Variants in CNTN4 observed in about 807,000 individuals in gnomAD.
CNTN4 encodes the protein contactin 4.
Under a neutral mutation model 122.5 loss-of-function variants are expected in CNTN4, and 77 were observed. That is an observed-to-expected ratio of 0.63 (90% CI 0.52 to 0.76). The LOEUF (loss-of-function observed/expected upper bound fraction) is 0.76. CNTN4 is among the 30% of genes least tolerant of loss of function. The pLI is 0.00. For synonymous variants in CNTN4, 512 were observed against 447.0 expected, an observed-to-expected ratio of 1.15 and a Z score of -1.83; for missense variants, 1,256 against 1,259.1, an observed-to-expected ratio of 1.00 and a Z score of 0.04.
At position 2,938,932 on chromosome 3, in the gene CNTN4, A is replaced by T. The variant is rs891528504; in HGVS notation, c.1358+13153A>T. ...ATTAAGAGCAATTAGAACTGAAGTG[A>T]TGTGACTGGATATTAAAACCAGACA... On this transcript the variant is annotated intron_variant, in intron 13 of 24. Coordinates refer to ENST00000418658, the MANE Select transcript of CNTN4 (RefSeq NM_175607.3). Among the ~76,000 whole-genome samples, 8 of 152,332 alleles carry T rather than the reference A, an allele frequency of 5.3e-5. No homozygotes were observed. In the South Asian group the frequency reaches 6.2e-4, roughly 12 times the overall value.
intron 13 of CNTN4, among the ~76,000 whole-genome samples, chr3:2,981,044 C>T (rs1268416513): frequency 2.6e-5 from 4 of 152,196 alleles, no homozygotes; most frequent in African/African-American, 9.7e-5. Context: ...CAGCTGCCAG[C>T]ATTCACCCAT....
At chr3:2,311,497 C>T (rs111615087) in intron 2 of CNTN4, among the ~76,000 whole-genome samples, 3 of 152,180 alleles carry the variant, frequency 2.0e-5, no homozygotes, top group Admixed American at 6.6e-5. Context: ...TGATTCTTTG[C>T]CAATCTACTT....
intron 13 of CNTN4, among the ~76,000 whole-genome samples, chr3:2,939,993 T>C (rs1032900847): frequency 2.6e-5 from 4 of 152,204 alleles, no homozygotes; most frequent in African/African-American, 9.6e-5. Context: ...GTGGTAAACA[T>C]TGACAGCACA....
In CNTN4 at chr3:2,543,055, A is replaced by G. The variant is rs57510276; in HGVS notation, c.-88-28361A>G. Among the ~76,000 whole-genome samples, 3,906 of 152,258 alleles carry G rather than the reference A, an allele frequency of 0.026. 176 individuals are homozygous for G. Among genetic ancestry groups the G allele is most frequent in the African/African-American group, 0.09 (3,720 of 41,544 alleles). On this transcript the variant is annotated intron_variant, in intron 3 of 24. Transcript: ENST00000418658. ...GCCAGATTGTATACATGGACATGCC[A>G]TAGGATGGACCAAGATAAATCTTTA...
intron 6 of CNTN4, among the ~76,000 whole-genome samples, chr3:2,770,524 G>GGTATCATAAAAGC (rs1243196851): frequency 1.3e-5 from 2 of 152,172 alleles, no homozygotes; most frequent in Non-Finnish European, 2.9e-5. Context: ...CCAAAGAAAA[G>GGTATCATAAAAGC]GTATCATAAA....
intron 6 of CNTN4, among the ~76,000 whole-genome samples, chr3:2,818,023 G>C (rs2092777745): frequency 6.6e-6 from 1 of 152,170 alleles, no homozygotes; most frequent in African/African-American, 2.4e-5. Flanking sequence ...TGCAGAGTAT[G>C]TGTGTGTCCT....
chr3:2,592,470 C>T (rs576426662), intron 4 of CNTN4, among the ~76,000 whole-genome samples: 93 of 152,294 alleles, frequency 6.1e-4, no homozygotes, highest in Non-Finnish European at 8.4e-4. Flanking sequence ...TGTTGTGGGA[C>T]GTACCGGGTA....
At chr3:2,121,782 C>T (rs1480279890) in intron 2 of CNTN4, among the ~76,000 whole-genome samples, 1 of 152,114 alleles carries the variant, frequency 6.6e-6, no homozygotes, top group Non-Finnish European at 1.5e-5. Flanking sequence ...GAAGTAGGGT[C>T]TGATACCTTG....
At chr3:2,403,864 A>G (rs2046940722) in intron 3 of CNTN4, among the ~76,000 whole-genome samples, 1 of 152,192 alleles carries the variant, frequency 6.6e-6, no homozygotes. Flanking sequence ...TTTCAAACCT[A>G]GAATTCTTTC....
chr3:2,535,037 A>C (rs181497047), intron 3 of CNTN4, among the ~76,000 whole-genome samples: 222 of 152,232 alleles, frequency 1.5e-3, no homozygotes, highest in East Asian at 0.012. Context: ...TAATAGCAAG[A>C]ATTGACTCTG....
At position 2,917,510 on chromosome 3, in the gene CNTN4, TAACA is replaced by T. The variant is rs568872258; in HGVS notation, c.1208-8115_1208-8112del. Among the ~76,000 whole-genome samples the T allele has an allele frequency of 8.0e-3, 1,212 of 152,344 alleles. 9 individuals are homozygous for T. Among genetic ancestry groups the T allele is most frequent in the South Asian group, 0.021 (99 of 4,828 alleles). On this transcript the variant is annotated intron_variant, in intron 12 of 24. Coordinates refer to ENST00000418658, the MANE Select transcript of CNTN4 (RefSeq NM_175607.3). The stretch of plus-strand genomic sequence containing the variant: ...GGTAGGGCCTGGAATTCTGCATTTC[TAACA>T]AACTTCAAGGTGATGCCAGTGCTTC...
intron 3 of CNTN4, among the ~76,000 whole-genome samples, chr3:2,526,842 T>C (rs569789781): frequency 1.3e-5 from 2 of 152,276 alleles, no homozygotes; most frequent in African/African-American, 4.8e-5. Flanking sequence ...AATCATAGTC[T>C]TACAAGTTTA....
rs76428551 is a variant in CNTN4 at position 2,876,583 on chromosome 3, C to T, written c.653-6562C>T. Reference sequence around the variant, plus strand: ...AGGTGTTGGCAAAAATCTTATGGCACGCAACTCTGCAAACTGGTCTCCTTC... The same window carrying T: ...AGGTGTTGGCAAAAATCTTATGGCATGCAACTCTGCAAACTGGTCTCCTTC... On this transcript the variant is annotated intron_variant, in intron 8 of 24. Coordinates refer to ENST00000418658, the MANE Select transcript of CNTN4 (RefSeq NM_175607.3). Among the ~76,000 whole-genome samples the T allele has an allele frequency of 4.1e-4, 62 of 152,236 alleles. 1 individual carries two copies. In the East Asian group the frequency reaches 0.011, roughly 27 times the overall value.
At chr3:2,697,032 A>G (rs1287773019) in intron 4 of CNTN4, among the ~76,000 whole-genome samples, 1 of 152,248 alleles carries the variant, frequency 6.6e-6, no homozygotes, top group Non-Finnish European at 1.5e-5. Flanking sequence ...ATCACTTACC[A>G]AAGCTCACCC....
intron 3 of CNTN4, among the ~76,000 whole-genome samples, chr3:2,371,567 C>G: frequency 6.6e-6 from 1 of 152,168 alleles, no homozygotes; most frequent in East Asian, 1.9e-4. Context: ...GTGCTTTGTA[C>G]ATAGTAGGTT....
At chr3:2,578,228 A>G (rs967771926) in intron 4 of CNTN4, among the ~76,000 whole-genome samples, 1 of 152,228 alleles carries the variant, frequency 6.6e-6, no homozygotes, top group African/African-American at 2.4e-5. Flanking sequence ...AGGAAGTCTC[A>G]TCACTAAGAC....
chr3:2,420,967 T>C (rs1309803353), intron 3 of CNTN4, among the ~76,000 whole-genome samples: 2 of 152,134 alleles, frequency 1.3e-5, no homozygotes, highest in Admixed American at 1.3e-4. Flanking sequence ...GACCCAGCAG[T>C]TGCATTTTAA....
At chr3:2,617,867 G>C (rs913226783) in intron 4 of CNTN4, among the ~76,000 whole-genome samples, 2 of 152,104 alleles carry the variant, frequency 1.3e-5, no homozygotes, top group African/African-American at 4.8e-5. Flanking sequence ...TTGGAAATGG[G>C]CAAACACTTG....
At chr3:2,825,687 T>G (rs1475736097) in intron 7 of CNTN4, among the ~76,000 whole-genome samples, 1 of 152,156 alleles carries the variant, frequency 6.6e-6, no homozygotes, top group Non-Finnish European at 1.5e-5. Context: ...AGATCCTGTC[T>G]TAAAAGCAAA....
Sources: allele counts gnomAD v4.1 joint callset (sites outside exome capture counted in the v4.1 genomes callset), GRCh38; gene constraint gnomAD v4.1.1; transcripts MANE v1.5; gene names NCBI Gene and HGNC (gene_info 2026-07-23, HGNC 2026-07-21).